Variants in MYLK observed in about 807,000 individuals in gnomAD.
MYLK encodes myosin light chain kinase, smooth muscle.
MYLK carries 106 observed loss-of-function variants against 203.4 expected under a neutral mutation model. The observed-to-expected ratio is 0.52, with a 90% CI of 0.45 to 0.61. The LOEUF (loss-of-function observed/expected upper bound fraction) is 0.61, where lower values mean the gene tolerates loss of function less well. MYLK is among the 20% of genes least tolerant of loss of function. The probability of loss-of-function intolerance (pLI) is 0.00; values close to 1 mark genes in which losing one functional copy is unlikely to be tolerated. For missense variants in MYLK, 2,072 were observed against 2,442.3 expected, an observed-to-expected ratio of 0.85 and a Z score of 3.20; for synonymous variants, 867 against 959.5, an observed-to-expected ratio of 0.90 and a Z score of 1.78.
chr3:123,639,634 G>A (rs1248480694), intron 28 of MYLK, among the ~76,000 whole-genome samples: 4 of 152,156 alleles, frequency 2.6e-5, no homozygotes, highest in East Asian at 1.9e-4. Context: ...GACCCTGACC[G>A]CCTACCCCTG....
At chr3:123,769,587 C>T (rs2063810997) in intron 4 of MYLK, among the ~76,000 whole-genome samples, 1 of 152,172 alleles carries the variant, frequency 6.6e-6, no homozygotes, top group African/African-American at 2.4e-5. Context: ...TCAGAGACAC[C>T]TTTGTTGATT....
chr3:123,783,612 C>T (rs2064384390), intron 4 of MYLK, among the ~76,000 whole-genome samples: 1 of 151,792 alleles, frequency 6.6e-6, no homozygotes, highest in African/African-American at 2.4e-5. Context: ...AAAAAATATA[C>T]AGAAGTAATT....
intron 28 of MYLK, among the ~76,000 whole-genome samples, chr3:123,638,446 T>C (rs1254854123): frequency 6.6e-6 from 1 of 152,154 alleles, no homozygotes. Context: ...GGCCGCTAAA[T>C]CACCCGCCCC....
intron 4 of MYLK, among the ~76,000 whole-genome samples, chr3:123,764,763 C>T (rs2063649936): frequency 6.6e-6 from 1 of 152,172 alleles, no homozygotes; most frequent in Admixed American, 6.5e-5. Flanking sequence ...CCTCACTGCT[C>T]CTTATCAGAT....
chr3:123,702,246 T>A (rs1211373684), intron 16 of MYLK, among the ~76,000 whole-genome samples: 2 of 152,060 alleles, frequency 1.3e-5, no homozygotes, highest in African/African-American at 2.4e-5. Context: ...TCCAACCCCA[T>A]AAGGCTGCCA....
At chr3:123,754,127 T>G (rs1379423237) in intron 4 of MYLK, among the ~76,000 whole-genome samples, 2 of 152,220 alleles carry the variant, frequency 1.3e-5, no homozygotes, top group African/African-American at 4.8e-5. Context: ...TGGACTGTGC[T>G]CAGTTTTCTT....
rs1284568730 is a variant in MYLK at position 123,648,103 on chromosome 3, T to C, written c.4416-676A>G. Among the ~76,000 whole-genome samples, 1 of 152,212 alleles carries C rather than the reference T, an allele frequency of 6.6e-6. No homozygotes were observed. The highest frequency in any genetic ancestry group is 2.4e-5 in the African/African-American group (1 of 41,450). ...TCCTCTGTGATGGCACTGACTTCTT[T>C]CTGACACTGTTACCCAGTTTGCATC... On this transcript the variant is annotated intron_variant, in intron 26 of 33. Coordinates refer to ENST00000360304, the MANE Select transcript of MYLK (RefSeq NM_053025.4). This position sits in a 1 kb window ranked among gnomAD's most constrained non-coding sequence, Gnocchi z 4.5.
Position 123,661,571 on chromosome 3 carries a change from T to C in MYLK, c.3985+2534A>G, listed in dbSNP as rs2059563110. Among the ~76,000 whole-genome samples the C allele has an allele frequency of 3.3e-5, 5 of 152,156 alleles. No homozygotes were observed. The South Asian group carries it at 1.0e-3, about 32-fold the overall frequency. On this transcript the variant is annotated intron_variant, in intron 23 of 33. Coordinates refer to ENST00000360304, the MANE Select transcript of MYLK (RefSeq NM_053025.4). ...ATTCCCTGACCCCTTTGTACACCAG[T>C]CTTCCCCGATCTGAAACTTCTAACC...
chr3:123,875,216 A>G (rs2033074804), intron 2 of MYLK, among the ~76,000 whole-genome samples: 1 of 152,216 alleles, frequency 6.6e-6, no homozygotes, highest in South Asian at 2.1e-4. Flanking sequence ...AAACAGCCCA[A>G]ATGTCCTTCA....
chr3:123,646,250 A>G (rs536160475), intron 27 of MYLK, among the ~76,000 whole-genome samples: 2 of 152,294 alleles, frequency 1.3e-5, no homozygotes, highest in Admixed American at 1.3e-4. Flanking sequence ...GTGTCTGTAT[A>G]CACTTATATT....
chr3:123,692,600 A>T (rs754644129), intron 19 of MYLK, 135 bp downstream of exon 19: 2 of 869,710 alleles, frequency 2.3e-6, no homozygotes, highest in Non-Finnish European at 1.9e-6. Context: ...TCATTCATCC[A>T]AAATGAATGC....
At chr3:123,788,434 A>G (rs2064631597) in intron 4 of MYLK, among the ~76,000 whole-genome samples, 1 of 150,742 alleles carries the variant, frequency 6.6e-6, no homozygotes, top group African/African-American at 2.4e-5. Context: ...ACATGTGCAC[A>G]ATGTGCAGGT....
At chr3:123,662,744 C>G (rs990655142) in intron 23 of MYLK, among the ~76,000 whole-genome samples, 6 of 152,154 alleles carry the variant, frequency 3.9e-5, no homozygotes, top group Non-Finnish European at 8.8e-5. Context: ...ACAGGAAAGG[C>G]TAGTTTGCAG....
chr3:123,641,461 CAAG>C (rs547917569), intron 27 of MYLK, among the ~76,000 whole-genome samples: 110 of 150,922 alleles, frequency 7.3e-4, no homozygotes, highest in Non-Finnish European at 1.4e-3. Flanking sequence ...TTGGTAGAGA[CAAG>C]GAGTTCAAAG....
chr3:123,867,669 CCT>C (rs1231023689), intron 2 of MYLK, among the ~76,000 whole-genome samples: 1 of 152,146 alleles, frequency 6.6e-6, no homozygotes, highest in African/African-American at 2.4e-5. Context: ...TGTTTGAACC[CCT>C]GATTTCAGAC....
intron 2 of MYLK, among the ~76,000 whole-genome samples, chr3:123,842,300 T>C (rs1049297844): frequency 1.3e-5 from 2 of 152,070 alleles, no homozygotes; most frequent in African/African-American, 4.8e-5. Context: ...TATATAATAA[T>C]AACAGAAGTG....
chr3:123,662,112 C>G (rs917031193), intron 23 of MYLK, among the ~76,000 whole-genome samples: 1 of 152,344 alleles, frequency 6.6e-6, no homozygotes, highest in African/African-American at 2.4e-5. Context: ...ACATCAACAA[C>G]TCTCTGGCAT....
rs559328365 is a variant in MYLK, at chr3:123,836,447, C to T, written c.-126-4777G>A. On this transcript the variant is annotated intron_variant, in intron 2 of 33. Transcript: ENST00000360304. ...ATAACATATTATACACACTCTTCTACACCTTGCTTTATTTTGCTTAATATA... is the reference window on the plus strand; with the variant it reads ...ATAACATATTATACACACTCTTCTATACCTTGCTTTATTTTGCTTAATATA... Among the ~76,000 whole-genome samples, 5 of 152,288 alleles carry T rather than the reference C, an allele frequency of 3.3e-5. No individual in the cohort carries two copies. The East Asian group carries it at 5.8e-4, about 18-fold the overall frequency.
intron 4 of MYLK, among the ~76,000 whole-genome samples, chr3:123,784,794 C>A (rs1203175916): frequency 6.6e-6 from 1 of 152,170 alleles, no homozygotes; most frequent in Non-Finnish European, 1.5e-5. Context: ...TGTGGATTTT[C>A]TACCTCTTGG....
Sources: allele counts gnomAD v4.1 joint callset (sites outside exome capture counted in the v4.1 genomes callset), GRCh38; gene constraint gnomAD v4.1.1; non-coding constraint Gnocchi (gnomAD v3.1); transcripts MANE v1.5; gene names NCBI Gene and HGNC (gene_info 2026-07-23, HGNC 2026-07-21).